Variants in SLC25A12 observed in about 807,000 individuals in gnomAD.
The protein encoded by SLC25A12 is electrogenic aspartate/glutamate antiporter SLC25A12, mitochondrial.
Under a neutral mutation model 83.3 loss-of-function variants are expected in SLC25A12, and 32 were observed. That is an observed-to-expected ratio of 0.38 (90% confidence interval 0.29 to 0.52). The LOEUF is 0.52. SLC25A12 is among the 20% of genes least tolerant of loss of function. The pLI, the probability that SLC25A12 is intolerant of heterozygous loss-of-function variation, is 0.84. For missense variants in SLC25A12, 611 were observed against 835.6 expected, an observed-to-expected ratio of 0.73 and a Z score of 3.31; for synonymous variants, 267 against 291.1, an observed-to-expected ratio of 0.92 and a Z score of 0.84.
chr2:171,856,510 C>T (rs1271567942), intron 3 of SLC25A12: 1 of 153,386 alleles, frequency 6.5e-6, no homozygotes, highest in African/African-American at 2.4e-5. Context: ...TTCACTACCA[C>T]CACATAAATG....
chr2:171,848,773 TGA>T (rs1684851331), intron 4 of SLC25A12, among the ~76,000 whole-genome samples: 1 of 152,238 alleles, frequency 6.6e-6, no homozygotes, highest in African/African-American at 2.4e-5. Context: ...CCTGTTTCTC[TGA>T]GAGAAAGTAT....
intron 2 of SLC25A12, chr2:171,871,698 T>C (rs1333404830): frequency 1.0e-6 from 1 of 983,748 alleles, no homozygotes; most frequent in Non-Finnish European, 1.2e-6. Flanking sequence ...TCACCTTCCA[T>C]GTTGCCATCA....
chr2:171,845,006 A>G (rs1684763188), intron 4 of SLC25A12, among the ~76,000 whole-genome samples: 1 of 152,312 alleles, frequency 6.6e-6, no homozygotes, highest in African/African-American at 2.4e-5. Flanking sequence ...AAGAAAAACT[A>G]TCAAAAGCAT....
At chr2:171,841,031 C>T (rs1234975557) in intron 5 of SLC25A12, among the ~76,000 whole-genome samples, 1 of 152,188 alleles carries the variant, frequency 6.6e-6, no homozygotes, top group Non-Finnish European at 1.5e-5. Context: ...ATTCAATAAC[C>T]AGCCAAACTA....
chr2:171,793,507 G>C (rs1683532186), intron 14 of SLC25A12, 120 bp downstream of exon 14: 2 of 1,018,982 alleles, frequency 2.0e-6, no homozygotes, highest in East Asian at 2.4e-5. Flanking sequence ...CTTTTTGTTT[G>C]ATTTTCTGCT....
intron 3 of SLC25A12, among the ~76,000 whole-genome samples, chr2:171,866,577 C>A: frequency 1.1e-5 from 1 of 87,190 alleles, no homozygotes; most frequent in Non-Finnish European, 2.4e-5. Flanking sequence ...GGCGGCTGGC[C>A]GGGCGGGGGG....
chr2:171,814,326 G>A (rs184582045), intron 10 of SLC25A12, among the ~76,000 whole-genome samples: 1 of 152,116 alleles, frequency 6.6e-6, no homozygotes, highest in African/African-American at 2.4e-5. Context: ...GAACAGGGAG[G>A]GAAGGGAGGT....
intron 15 of SLC25A12, chr2:171,788,308 T>C (rs754554642): frequency 1.1e-4 from 26 of 230,096 alleles, no homozygotes; most frequent in Non-Finnish European, 2.1e-4. Context: ...ATACAAGTAT[T>C]TTTATGTATA....
chr2:171,849,534 G>T (rs951709020), intron 4 of SLC25A12, among the ~76,000 whole-genome samples: 1 of 149,106 alleles, frequency 6.7e-6, no homozygotes, highest in African/African-American at 2.5e-5. Context: ...TGTCTGTCAC[G>T]CAGGCTGAAG....
intron 11 of SLC25A12, among the ~76,000 whole-genome samples, chr2:171,811,325 C>G (rs73976516): frequency 7.0e-4 from 106 of 152,258 alleles, no homozygotes; most frequent in African/African-American, 2.4e-3. Flanking sequence ...ACCTTTCATG[C>G]GTAGCAGACT....
chr2:171,834,128 C>A (rs1244150660), intron 7 of SLC25A12, 72 bp from the exon 8 acceptor site: 3 of 854,238 alleles, frequency 3.5e-6, no homozygotes, highest in Non-Finnish European at 6.1e-6. Context: ...CCTTCACCAA[C>A]TATAATATAA....
chr2:171,820,596 C>T (rs912524294), intron 9 of SLC25A12, among the ~76,000 whole-genome samples: 2 of 132,330 alleles, frequency 1.5e-5, no homozygotes, highest in African/African-American at 2.6e-5. Flanking sequence ...GGCGCAGTGG[C>T]GGGCGCCTGT....
intron 4 of SLC25A12, among the ~76,000 whole-genome samples, chr2:171,850,620 C>A (rs1295403596): frequency 1.3e-5 from 2 of 152,100 alleles, no homozygotes; most frequent in African/African-American, 4.8e-5. Context: ...CCGCCTCGGC[C>A]TCCCAAAGTG....
chr2:171,787,255 G>T (rs2105831884), intron 17 of SLC25A12, among the ~76,000 whole-genome samples: 1 of 152,214 alleles, frequency 6.6e-6, no homozygotes, highest in Admixed American at 6.5e-5. Flanking sequence ...AGCCCGGGAG[G>T]TTGAGGCTAC....
chr2:171,874,055 C>A (rs1685511016), intron 2 of SLC25A12, among the ~76,000 whole-genome samples: 1 of 152,044 alleles, frequency 6.6e-6, no homozygotes, highest in South Asian at 2.1e-4. Context: ...GGAGAAACCC[C>A]ATCTCTACTA....
chr2:171,808,466 T>C (rs1457477357), intron 13 of SLC25A12, among the ~76,000 whole-genome samples: 2 of 152,206 alleles, frequency 1.3e-5, no homozygotes, highest in African/African-American at 2.4e-5. Context: ...GAAGAAAAAT[T>C]ATTATTAAAC....
In SLC25A12 at chr2:171,809,724, A is replaced by C. The variant is rs781420684; in HGVS notation, c.1225-38T>G. ...ACAACATCAGTTAACCAAAATTCCC[A>C]ACCATTTCTCTTCTGGCATACTGTT... On this transcript the variant is annotated intron_variant, in intron 12 of 17. Coordinates refer to ENST00000422440, the MANE Select transcript of SLC25A12 (RefSeq NM_003705.5). The C allele has an allele frequency of 2.7e-6, 4 of 1,461,426 alleles. No homozygotes were observed. In the African/African-American group the frequency reaches 4.2e-5, roughly 15 times the overall value. The allele number at this position is 1,461,426 out of a possible 1,614,324, so 90.5% of individuals were successfully genotyped here.
intron 2 of SLC25A12, among the ~76,000 whole-genome samples, chr2:171,875,504 G>C (rs1038837441): frequency 1.3e-5 from 2 of 152,122 alleles, no homozygotes; most frequent in Non-Finnish European, 2.9e-5. Flanking sequence ...AGAGCGGGGA[G>C]AGAGAGAAAG....
At chr2:171,841,531 C>T (rs182871897) in intron 5 of SLC25A12, among the ~76,000 whole-genome samples, 99 of 152,240 alleles carry the variant, frequency 6.5e-4, no homozygotes, top group Middle Eastern at 3.4e-3. Context: ...TGCCACCACA[C>T]CTGGCTAGTT....
Sources: gnomAD v4.1 joint callset for allele counts (sites outside exome capture counted in the v4.1 genomes callset) on GRCh38, gnomAD v4.1.1 for gene constraint, MANE v1.5 for transcripts, NCBI Gene and HGNC (gene_info 2026-07-23, HGNC 2026-07-21) for gene names.